HGD: variants seen among roughly 807,000 people sequenced by gnomAD.
The protein encoded by HGD is homogentisate oxidase.
A neutral mutation model predicts 60.8 loss-of-function variants in HGD; 61 were observed. That is an observed-to-expected ratio of 1.00 (90% CI 0.82 to 1.24). The LOEUF (loss-of-function observed/expected upper bound fraction) is 1.24, where lower values mean the gene tolerates loss of function less well. Among genes scored for constraint, HGD ranks in the 50% most tolerant of loss-of-function variants. The pLI, the probability that HGD is intolerant of heterozygous loss-of-function variation, is 0.00. For synonymous variants in HGD, 212 were observed against 187.7 expected (o/e 1.13, Z -1.06); for missense variants, 542 against 547.1 (o/e 0.99, Z 0.09).
chr3:120,665,606 C>T (rs1381969765), intron 4 of HGD, among the ~76,000 whole-genome samples: 1 of 152,188 alleles, frequency 6.6e-6, no homozygotes, highest in Non-Finnish European at 1.5e-5. Context: ...AAAGAGGTTG[C>T]ATTAATTCTT....
intron 1 of HGD, 48 bp downstream of exon 1, chr3:120,682,049 A>G: frequency 6.3e-7 from 1 of 1,590,146 alleles, no homozygotes; most frequent in African/African-American, 1.3e-5. Flanking sequence ...AAACTTCCAT[A>G]AATTTTGGCT....
rs778448610 is a variant in HGD at position 120,641,675 on chromosome 3, C to T, written c.793G>A (p.Val265Ile). The T allele has an allele frequency of 4.3e-6, 7 of 1,613,256 alleles. No homozygotes were observed. Among genetic ancestry groups the T allele is most frequent in the Non-Finnish European group, 5.9e-6 (7 of 1,179,178 alleles). The change falls in exon 11 of 14, where the codon GTT (valine) becomes ATT (isoleucine). Residue 265 changes from valine to isoleucine, a missense_variant. Physicochemically the swap from Val to Ile is conservative, Grantham distance 29 (BLOSUM62 3). Around this residue, in one of 2 missense-constraint regions of HGD, gnomAD observed 537 missense variants for 529.1 expected, o/e 1.01. Coordinates refer to ENST00000283871, the MANE Select transcript of HGD (RefSeq NM_000187.4). ...AAKQDVSPFN[V>I]VAWHGNYTPY... is the part of the protein sequence containing the mutation. ...GTATAATTCCCGTGCCAGGCCACAA[C>T]ATTGAACGGGGAGACATCCTAAACA... is the stretch of plus-strand genomic sequence containing the variant.
chr3:120,682,194 C>A lies in HGD; in HGVS notation c.-83G>T. The A allele has an allele frequency of 2.2e-6, 3 of 1,365,202 alleles. No homozygotes were observed. Among genetic ancestry groups the A allele is most frequent in the Non-Finnish European group, 3.1e-6 (3 of 953,718 alleles). 84.6% of individuals were successfully genotyped at this position (1,365,202 alleles called of 1,614,324 possible). On this transcript the variant is annotated 5_prime_UTR_variant, in exon 1 of 14. Coordinates refer to ENST00000283871, the MANE Select transcript of HGD (RefSeq NM_000187.4). ...CCACAATGCTTCTTTCTCCTTCAAA[C>A]CACTCTTTGGATATTCCGGTTCCCA... is the stretch of plus-strand genomic sequence containing the variant.
chr3:120,644,403 G>A lies in HGD; in HGVS notation c.690C>T (p.Pro230=). 6.2e-7 allele frequency: 1 copy of A among 1,614,120 alleles called. No individual in the cohort carries two copies. Among genetic ancestry groups the A allele is most frequent in the East Asian group, 2.2e-5 (1 of 44,880 alleles). ...CTTGGCGATCCTCATACCAGGCAAT[G>A]GGTATCAAGAAATCACGAGGATTGG... ...GLANPRDFLI[P]IAWYEDRQVP... is the part of the protein sequence containing the mutation. Residue 230 remains proline (P), a synonymous_variant, in exon 10 of 14, where the codon CCC becomes CCT. Coordinates refer to ENST00000283871, the MANE Select transcript of HGD (RefSeq NM_000187.4).
At chr3:120,647,960 A>G in intron 6 of HGD, 49 bp from the exon 7 acceptor site, 1 of 1,422,104 alleles carries the variant, frequency 7.0e-7, no homozygotes, top group Non-Finnish European at 1.0e-6. Context: ...AACATTGTCT[A>G]GACAAATTAC....
intron 3 of HGD, among the ~76,000 whole-genome samples, chr3:120,671,988 G>A (rs972654656): frequency 6.6e-6 from 1 of 151,818 alleles, no homozygotes; most frequent in Non-Finnish European, 1.5e-5. Flanking sequence ...GGCCTGTTGG[G>A]GGGTGGGAGT....
chr3:120,649,422 C>A (rs997521958), intron 6 of HGD, among the ~76,000 whole-genome samples: 2 of 152,044 alleles, frequency 1.3e-5, no homozygotes, highest in Non-Finnish European at 2.9e-5. Context: ...GGATTACAGG[C>A]GTGATCCACT....
At chr3:120,642,644 C>T (rs1320413965) in intron 10 of HGD, among the ~76,000 whole-genome samples, 2 of 152,194 alleles carry the variant, frequency 1.3e-5, no homozygotes, top group African/African-American at 2.4e-5. Context: ...TGGACAGAAG[C>T]GTGCATATCA....
intron 6 of HGD, among the ~76,000 whole-genome samples, chr3:120,649,480 C>A (rs1559789497): frequency 6.6e-6 from 1 of 152,106 alleles, no homozygotes; most frequent in Admixed American, 6.5e-5. Context: ...GAATGACTCC[C>A]TTTTGGGTAC....
chr3:120,657,053 G>A (rs1465253848), intron 4 of HGD, among the ~76,000 whole-genome samples: 1 of 152,028 alleles, frequency 6.6e-6, no homozygotes, highest in Non-Finnish European at 1.5e-5. Flanking sequence ...CTGTTCAGTT[G>A]TTCTATCAAC....
At chr3:120,649,821 G>T (rs1941282119) in intron 6 of HGD, among the ~76,000 whole-genome samples, 1 of 152,164 alleles carries the variant, frequency 6.6e-6, no homozygotes, top group African/African-American at 2.4e-5. Flanking sequence ...GCCTCTCAGA[G>T]GTGCTAGATC....
intron 4 of HGD, among the ~76,000 whole-genome samples, chr3:120,668,831 G>C (rs754579571): frequency 3.9e-5 from 6 of 152,088 alleles, no homozygotes; most frequent in Non-Finnish European, 8.8e-5. Context: ...TGCAAACCCA[G>C]GTCTGTTTTT....
At chr3:120,659,940 GA>G (rs529324234) in intron 4 of HGD, among the ~76,000 whole-genome samples, 11,195 of 127,398 alleles carry the variant, frequency 0.088, 718 homozygotes, top group Middle Eastern at 0.19. Context: ...GAGCAAGAGA[GA>G]GTGGGGGGTG....
chr3:120,656,105 A>ATC (rs569556894), intron 4 of HGD, among the ~76,000 whole-genome samples: 1 of 152,096 alleles, frequency 6.6e-6, no homozygotes, highest in African/African-American at 2.4e-5. Flanking sequence ...AGAAGAAGAG[A>ATC]TCTCTCTCTC....
At chr3:120,674,669 G>T in intron 3 of HGD, 1 of 485,834 alleles carries the variant, frequency 2.1e-6, no homozygotes, top group Non-Finnish European at 3.8e-6. Context: ...AAATGGAACT[G>T]GACATGTGTA....
At chr3:120,658,257 T>C (rs1010747026) in intron 4 of HGD, among the ~76,000 whole-genome samples, 61 of 152,328 alleles carry the variant, frequency 4.0e-4, no homozygotes, top group African/African-American at 1.2e-3. Context: ...ATAAGTTAGT[T>C]ACTTCCAAGA....
At position 120,663,167 on chromosome 3, in the gene HGD, G is replaced by T. The variant is rs545679880; in HGVS notation, c.282+7260C>A. Reference sequence around the variant, plus strand: ...GAACAATACAGAGGGGAAGGGGAAGGTTGGGGTGAAGAGAAGGAGAAGAAA... The same window carrying T: ...GAACAATACAGAGGGGAAGGGGAAGTTTGGGGTGAAGAGAAGGAGAAGAAA... On this transcript the variant is annotated intron_variant, in intron 4 of 13. Coordinates refer to ENST00000283871, the MANE Select transcript of HGD (RefSeq NM_000187.4). 1.4e-4 allele frequency among the ~76,000 whole-genome samples: 22 copies of T among 152,236 alleles called. No individual in the cohort carries two copies. The East Asian group carries it at 4.1e-3, about 28-fold the overall frequency.
chr3:120,648,320 G>A (rs1941227561), intron 6 of HGD, among the ~76,000 whole-genome samples: 1 of 152,248 alleles, frequency 6.6e-6, no homozygotes, highest in Admixed American at 6.5e-5. Context: ...GTGCTTAGAA[G>A]GAGGGCACGC....
chr3:120,637,154 A>G (rs1238609261), intron 12 of HGD, among the ~76,000 whole-genome samples: 1 of 152,196 alleles, frequency 6.6e-6, no homozygotes, highest in Non-Finnish European at 1.5e-5. Flanking sequence ...AAAGCATGCT[A>G]TATATCAGGC....
Sources: gnomAD v4.1 joint callset for allele counts (sites outside exome capture counted in the v4.1 genomes callset) on GRCh38, gnomAD v4.1.1 for gene constraint, gnomAD v4.1.1 regional missense constraint, MANE v1.5 for transcripts, NCBI Gene and HGNC (gene_info 2026-07-23, HGNC 2026-07-21) for gene names.